Variants in HMCN1 observed in about 807,000 individuals in gnomAD.
HMCN1 encodes the protein hemicentin 1.
A neutral mutation model predicts 625.9 loss-of-function variants in HMCN1; 321 were observed. That is an observed-to-expected ratio of 0.51 (90% CI 0.47 to 0.56). The LOEUF is 0.56. HMCN1 is among the 20% of genes least tolerant of loss of function. HMCN1 has a pLI of 0.00. For synonymous variants in HMCN1, 2,425 were observed against 2,417.6 expected, an observed-to-expected ratio of 1.00 and a Z score of -0.09; for missense variants, 6,588 against 6,887.3, an observed-to-expected ratio of 0.96 and a Z score of 1.54.
At chr1:185,925,311 G>A (rs146267157) in intron 9 of HMCN1, 120 bp downstream of exon 9, 9 of 970,274 alleles carry the variant, frequency 9.3e-6, no homozygotes, top group Non-Finnish European at 1.3e-5. Context: ...CTGGAATATA[G>A]CAGTGAACAA....
At chr1:186,073,670 A>G (rs1022412170) in intron 52 of HMCN1, among the ~76,000 whole-genome samples, 2 of 152,108 alleles carry the variant, frequency 1.3e-5, no homozygotes, top group Admixed American at 1.3e-4. Context: ...TGAGAGTTTT[A>G]TACAAGGAAC....
rs1468156465 is a variant in HMCN1 at position 186,090,684 on chromosome 1, T to C, written c.9728-74T>C. On this transcript the variant is annotated intron_variant, in intron 63 of 106. Coordinates refer to ENST00000271588, the MANE Select transcript of HMCN1 (RefSeq NM_031935.3). ...AGAATATGAACTAGAAATGTCATATTGTTTTATGACTCTGTTACATTAGAA... is the reference window on the plus strand; with the variant it reads ...AGAATATGAACTAGAAATGTCATATCGTTTTATGACTCTGTTACATTAGAA... 3 of 1,515,438 alleles carry C rather than the reference T, an allele frequency of 2.0e-6. No individual in the cohort carries two copies. In the African/African-American group the frequency reaches 4.1e-5, roughly 21 times the overall value. The allele number at this position is 1,515,438 out of a possible 1,614,324, so 93.9% of individuals were successfully genotyped here.
At chr1:185,805,803 G>A (rs959462036) in intron 1 of HMCN1, among the ~76,000 whole-genome samples, 3 of 152,126 alleles carry the variant, frequency 2.0e-5, no homozygotes, top group Non-Finnish European at 4.4e-5. Context: ...CAGCATGTCA[G>A]CCTTGTGTCC....
intron 2 of HMCN1, among the ~76,000 whole-genome samples, chr1:185,858,466 A>G (rs1446029152): frequency 6.6e-6 from 1 of 151,236 alleles, no homozygotes; most frequent in Non-Finnish European, 1.5e-5. Flanking sequence ...CTTACTCTGT[A>G]GCCCAGGCTG....
intron 19 of HMCN1, among the ~76,000 whole-genome samples, chr1:185,985,133 T>C (rs1344495318): frequency 6.6e-6 from 1 of 152,234 alleles, no homozygotes; most frequent in Non-Finnish European, 1.5e-5. Flanking sequence ...CAGACCATTT[T>C]CTTTTGTTAT....
chr1:186,125,869 TG>T, intron 82 of HMCN1, 75 bp downstream of exon 82: 1 of 1,072,504 alleles, frequency 9.3e-7, no homozygotes, highest in Non-Finnish European at 1.4e-6. Context: ...TAATTTAGCA[TG>T]GAAGTATATT....
At chr1:185,988,930 G>T (rs1652186310) in intron 20 of HMCN1, among the ~76,000 whole-genome samples, 1 of 151,818 alleles carries the variant, frequency 6.6e-6, no homozygotes, top group Non-Finnish European at 1.5e-5. Flanking sequence ...CCTTATCATT[G>T]CTGTTCTCTG....
intron 1 of HMCN1, among the ~76,000 whole-genome samples, chr1:185,795,395 C>T (rs1658303069): frequency 6.6e-6 from 1 of 151,786 alleles, no homozygotes; most frequent in Non-Finnish European, 1.5e-5. Context: ...CTTTTTTTCC[C>T]AAGAGCTGCA....
intron 4 of HMCN1, among the ~76,000 whole-genome samples, chr1:185,867,803 G>C (rs528068517): frequency 3.9e-5 from 6 of 152,272 alleles, no homozygotes; most frequent in African/African-American, 1.4e-4. Context: ...GAGCGCAGTG[G>C]CTCACGCCTG....
At chr1:185,799,708 C>A (rs1216385517) in intron 1 of HMCN1, among the ~76,000 whole-genome samples, 1 of 152,138 alleles carries the variant, frequency 6.6e-6, no homozygotes, top group Non-Finnish European at 1.5e-5. Flanking sequence ...GTCTCCCACC[C>A]AAGCACCATG....
At chr1:185,974,529 T>C (rs1651061333) in intron 15 of HMCN1, among the ~76,000 whole-genome samples, 1 of 152,148 alleles carries the variant, frequency 6.6e-6, no homozygotes, top group African/African-American at 2.4e-5. Flanking sequence ...CAGCCTCCTC[T>C]GTAGAAGCAC....
intron 2 of HMCN1, among the ~76,000 whole-genome samples, chr1:185,856,766 C>A (rs1002939228): frequency 1.9e-4 from 29 of 152,118 alleles, no homozygotes; most frequent in East Asian, 1.2e-3. Flanking sequence ...ACTTAGGCAT[C>A]TGGAAAACAA....
chr1:186,130,732 AC>A, intron 85 of HMCN1, 35 bp downstream of exon 85: 1 of 1,583,434 alleles, frequency 6.3e-7, no homozygotes, highest in Non-Finnish European at 8.7e-7. Context: ...GCACCTTTAA[AC>A]CCCCACAGCC....
At chr1:186,167,036 C>A (rs1218384321) in intron 100 of HMCN1, 94 bp downstream of exon 100, 1 of 1,482,636 alleles carries the variant, frequency 6.7e-7, no homozygotes, top group Non-Finnish European at 9.4e-7. Flanking sequence ...AGAAACTCCA[C>A]GAGGAAGGGA....
intron 2 of HMCN1, among the ~76,000 whole-genome samples, chr1:185,856,962 C>T (rs1662506680): frequency 6.6e-6 from 1 of 152,112 alleles, no homozygotes; most frequent in Non-Finnish European, 1.5e-5. Flanking sequence ...TTTTTTCCAA[C>T]TCCTCTCACA....
At chr1:185,955,943 C>T (rs1649597700) in intron 11 of HMCN1, among the ~76,000 whole-genome samples, 1 of 152,050 alleles carries the variant, frequency 6.6e-6, no homozygotes, top group Non-Finnish European at 1.5e-5. Context: ...TTCTATTATC[C>T]CTATCTAAAT....
Position 185,734,503 on chromosome 1 carries a change from CTCCGCCACAGGCTG to C in HMCN1, c.-273_-260del, listed in dbSNP as rs1653405836. The C allele has an allele frequency of 1.5e-5, 6 of 404,526 alleles. No homozygotes were observed. The allele number at this position is 404,526 out of a possible 1,614,324, so 25.1% of individuals were successfully genotyped here. A position where few individuals can be genotyped will look rare whatever the true frequency, so the allele number is the denominator to read the frequency against. On this transcript the variant is annotated 5_prime_UTR_variant, in exon 1 of 107. An upstream open reading frame in the 5' UTR loses its in-frame stop. Transcript: ENST00000271588. Reference sequence around the variant, plus strand: ...GCATGGACCCGACGCGCCGCCCGCACTCCGCCACAGGCTGTCCAGGGCCCGCGGGCAGATAGCAG... The same window carrying C: ...GCATGGACCCGACGCGCCGCCCGCACTCCAGGGCCCGCGGGCAGATAGCAG...
At chr1:185,764,742 A>G (rs1394997440) in intron 1 of HMCN1, among the ~76,000 whole-genome samples, 2 of 152,196 alleles carry the variant, frequency 1.3e-5, no homozygotes, top group East Asian at 1.9e-4. Flanking sequence ...ATATGAAATG[A>G]GAGCTCAAGA....
intron 24 of HMCN1, among the ~76,000 whole-genome samples, chr1:185,995,731 G>A (rs899825290): frequency 8.5e-5 from 13 of 152,080 alleles, no homozygotes; most frequent in African/African-American, 3.1e-4. Flanking sequence ...AGTTGCCTAT[G>A]TTAGATTAGA....
Sources: allele counts gnomAD v4.1 joint callset (sites outside exome capture counted in the v4.1 genomes callset), GRCh38; gene constraint gnomAD v4.1.1; transcripts MANE v1.5; gene names NCBI Gene and HGNC (gene_info 2026-07-23, HGNC 2026-07-21).